Variants in FMN2 observed in about 807,000 individuals in gnomAD.
FMN2 encodes formin-2.
FMN2 carries 51 observed loss-of-function variants against 142.3 expected under a neutral mutation model. The ratio of observed to expected loss-of-function variants is 0.36; its 90% CI spans 0.29 to 0.45. FMN2 has a LOEUF of 0.45. Among genes scored for constraint, FMN2 ranks in the 20% least tolerant of loss-of-function variants. FMN2 has a pLI of 1.00. For missense variants in FMN2, 1,936 were observed against 2,122.8 expected (o/e 0.91, Z 1.73); for synonymous variants, 882 against 869.8 (o/e 1.01, Z -0.25).
intron 3 of FMN2, among the ~76,000 whole-genome samples, chr1:240,181,390 T>C (rs1665145499): frequency 6.6e-6 from 1 of 152,244 alleles, no homozygotes; most frequent in Admixed American, 6.5e-5. Context: ...CTTTTTCATG[T>C]ATCTCACTTT....
At chr1:240,361,726 A>G (rs74151645) in intron 14 of FMN2, among the ~76,000 whole-genome samples, 18,492 of 152,248 alleles carry the variant, frequency 0.12, 1,166 homozygotes, top group South Asian at 0.2. Context: ...ACATGTGGGT[A>G]TATGAGCTGA....
intron 8 of FMN2, among the ~76,000 whole-genome samples, chr1:240,324,706 AGGG>A (rs1201772833): frequency 1.1e-4 from 13 of 119,164 alleles, no homozygotes; most frequent in Non-Finnish European, 2.3e-4. Context: ...GGAGGGAGGG[AGGG>A]AGGGAAGAAA....
intron 14 of FMN2, among the ~76,000 whole-genome samples, chr1:240,382,602 A>C (rs555522095): frequency 6.6e-6 from 1 of 152,194 alleles, no homozygotes; most frequent in African/African-American, 2.4e-5. Flanking sequence ...CGGGGGTTGC[A>C]GTGAACCGAG....
chr1:240,158,767 C>G (rs1043834303), intron 2 of FMN2, among the ~76,000 whole-genome samples: 3 of 152,126 alleles, frequency 2.0e-5, no homozygotes, highest in Admixed American at 2.0e-4. Flanking sequence ...TTTGTCCACA[C>G]TCTCATAAAG....
At chr1:240,410,602 G>A (rs924235705) in intron 15 of FMN2, among the ~76,000 whole-genome samples, 7 of 152,104 alleles carry the variant, frequency 4.6e-5, no homozygotes, top group African/African-American at 1.7e-4. Flanking sequence ...ACTTTAACTA[G>A]AAGAAAATAT....
chr1:240,435,722 C>T (rs1675344912), intron 15 of FMN2, among the ~76,000 whole-genome samples: 1 of 152,132 alleles, frequency 6.6e-6, no homozygotes, highest in Non-Finnish European at 1.5e-5. Context: ...AGGCAGGATT[C>T]AATATTCCAT....
intron 16 of FMN2, among the ~76,000 whole-genome samples, chr1:240,444,144 T>C (rs1395900348): frequency 6.6e-6 from 1 of 152,200 alleles, no homozygotes; most frequent in Non-Finnish European, 1.5e-5. Context: ...TATATAACCA[T>C]GTGAAGCTAC....
At chr1:240,455,997 A>AATG (rs1465681111) in intron 16 of FMN2, among the ~76,000 whole-genome samples, 1 of 148,844 alleles carries the variant, frequency 6.7e-6, no homozygotes, top group Non-Finnish European at 1.5e-5. Flanking sequence ...TAATAATAAT[A>AATG]ATAATAAGTT....
At chr1:240,426,115 A>G (rs1674929561) in intron 15 of FMN2, among the ~76,000 whole-genome samples, 2 of 152,216 alleles carry the variant, frequency 1.3e-5, no homozygotes, top group South Asian at 4.1e-4. Flanking sequence ...TGCTTCTCCA[A>G]AGAGATCATA....
intron 13 of FMN2, among the ~76,000 whole-genome samples, chr1:240,351,171 A>G (rs1227971456): frequency 6.6e-6 from 1 of 152,210 alleles, no homozygotes; most frequent in Admixed American, 6.5e-5. Flanking sequence ...TTACTTTGTA[A>G]TGGCACAAGT....
chr1:240,125,621 C>T (rs538805654), intron 2 of FMN2, among the ~76,000 whole-genome samples: 8 of 152,304 alleles, frequency 5.3e-5, no homozygotes, highest in East Asian at 1.9e-4. Context: ...CCCAAGTTAA[C>T]GGCATTTTCC....
At chr1:240,150,374 G>A (rs1663711434) in intron 2 of FMN2, among the ~76,000 whole-genome samples, 1 of 113,606 alleles carries the variant, frequency 8.8e-6, no homozygotes, top group African/African-American at 2.7e-5. Flanking sequence ...GATGAAACAA[G>A]ACATCCATCC....
chr1:240,170,126 A>C (rs1188106233), intron 2 of FMN2: 6 of 643,502 alleles, frequency 9.3e-6, no homozygotes, highest in Non-Finnish European at 1.6e-5. Flanking sequence ...TAGGTTCTGC[A>C]TTAATATACA....
chr1:240,432,304 A>C (rs1468008753), intron 15 of FMN2, among the ~76,000 whole-genome samples: 3 of 152,012 alleles, frequency 2.0e-5, no homozygotes, highest in African/African-American at 7.2e-5. Flanking sequence ...TGTTTACAAC[A>C]TCATCACATT....
intron 2 of FMN2, among the ~76,000 whole-genome samples, chr1:240,161,153 G>T (rs1664259255): frequency 6.6e-6 from 1 of 152,074 alleles, no homozygotes; most frequent in African/African-American, 2.4e-5. Flanking sequence ...TAATAGATTA[G>T]ATGCAATTCT....
In FMN2 at chr1:240,459,690, C is replaced by T. The variant is rs528632255; in HGVS notation, c.5061-12682C>T. 1.2e-3 allele frequency among the ~76,000 whole-genome samples: 159 copies of T among 129,914 alleles called. 2 individuals are homozygous for T. Among genetic ancestry groups the T allele is most frequent in the Admixed American group, 4.6e-3 (52 of 11,284 alleles). The allele number at this position is 129,914 out of a possible 152,430, so 85.2% of individuals were successfully genotyped here. On this transcript the variant is annotated intron_variant, in intron 16 of 17. Coordinates refer to ENST00000319653, the MANE Select transcript of FMN2 (RefSeq NM_020066.5). ...TGCTATCGTGCCACTGCACTCCAGCCTGGGTGACAGAACAAGACTCTGTCT... is the reference window on the plus strand; with the variant it reads ...TGCTATCGTGCCACTGCACTCCAGCTTGGGTGACAGAACAAGACTCTGTCT...
chr1:240,176,741 T>C (rs1664933777), intron 2 of FMN2, among the ~76,000 whole-genome samples: 1 of 152,190 alleles, frequency 6.6e-6, no homozygotes. Flanking sequence ...TTGGTCGAGA[T>C]AGGATAGCTG....
At chr1:240,447,056 G>A (rs960836441) in intron 16 of FMN2, among the ~76,000 whole-genome samples, 3 of 152,202 alleles carry the variant, frequency 2.0e-5, no homozygotes, top group African/African-American at 7.2e-5. Flanking sequence ...CCACCTAGAG[G>A]TATCGATCCC....
intron 8 of FMN2, among the ~76,000 whole-genome samples, chr1:240,299,704 A>G (rs1359945697): frequency 6.6e-6 from 1 of 151,992 alleles, no homozygotes; most frequent in Non-Finnish European, 1.5e-5. Flanking sequence ...AGCTCTTTCC[A>G]TTTCCCATGT....
Sources: allele counts gnomAD v4.1 joint callset (sites outside exome capture counted in the v4.1 genomes callset), GRCh38; gene constraint gnomAD v4.1.1; transcripts MANE v1.5; gene names NCBI Gene and HGNC (gene_info 2026-07-23, HGNC 2026-07-21).